The following RGS6 variants were observed in gnomAD, a reference collection of about 807,000 sequenced individuals.
RGS6 encodes the protein regulator of G protein signaling 6.
Under a neutral mutation model 78.5 loss-of-function variants are expected in RGS6, and 30 were observed. The ratio of observed to expected loss-of-function variants is 0.38; its 90% CI spans 0.29 to 0.52. The LOEUF is 0.52. Ranked by LOEUF, RGS6 falls within the 20% of genes least tolerant of loss-of-function variation. The pLI is 0.85. For missense variants in RGS6, 495 were observed against 609.7 expected, an observed-to-expected ratio of 0.81 and a Z score of 1.98; for synonymous variants, 206 against 206.0, an observed-to-expected ratio of 1.00 and a Z score of 0.00.
chr14:72,242,913 A>G (rs1370818380), intron 2 of RGS6, among the ~76,000 whole-genome samples: 3 of 126,866 alleles, frequency 2.4e-5, no homozygotes, highest in Admixed American at 1.1e-4. Context: ...CAGTGGTGCA[A>G]TCTCGGCTCA....
At chr14:72,438,358 C>T (rs79562181) in intron 3 of RGS6, among the ~76,000 whole-genome samples, 4,043 of 152,190 alleles carry the variant, frequency 0.027, 158 homozygotes, top group Admixed American at 0.091. Context: ...CATTCCTACA[C>T]ACCAGTGACT....
rs201497548 is a variant in RGS6 at position 72,396,693 on chromosome 14, C to G, written c.184+44499C>G. 8.1e-3 allele frequency among the ~76,000 whole-genome samples: 1,229 copies of G among 152,292 alleles called. 40 individuals carry two copies. Among genetic ancestry groups the G allele is most frequent in the East Asian group, 0.05 (261 of 5,186 alleles). On this transcript the variant is annotated intron_variant, in intron 3 of 17. Coordinates refer to ENST00000553525, the MANE Select transcript of RGS6 (RefSeq NM_001204424.2). The stretch of plus-strand genomic sequence containing the variant: ...ATGGTTTTAGGTCTAACATGTAAGT[C>G]TTTAATCCATCTTGAATTAATTTTT...
chr14:72,560,272 A>C (rs1337400827), intron 17 of RGS6, among the ~76,000 whole-genome samples: 1 of 152,198 alleles, frequency 6.6e-6, no homozygotes, highest in Non-Finnish European at 1.5e-5. Flanking sequence ...TATCACAGCA[A>C]TAAGTGGCAC....
At chr14:72,259,751 C>CA (rs566208646) in intron 2 of RGS6, among the ~76,000 whole-genome samples, 77 of 145,958 alleles carry the variant, frequency 5.3e-4, no homozygotes, top group East Asian at 1.6e-3. Flanking sequence ...ACTAAAAATA[C>CA]AAAAAAAAAA....
chr14:72,536,366 GT>G, intron 16 of RGS6, 91 bp downstream of exon 16: 1 of 935,224 alleles, frequency 1.1e-6, no homozygotes, highest in Non-Finnish European at 1.8e-6. Flanking sequence ...CATCCCTTGG[GT>G]TTTATTTATT....
intron 3 of RGS6, among the ~76,000 whole-genome samples, chr14:72,453,895 G>C (rs999246779): frequency 6.6e-6 from 1 of 152,150 alleles, no homozygotes; most frequent in African/African-American, 2.4e-5. Context: ...GAGCTAAGGA[G>C]AGCCATGTAG....
intron 3 of RGS6, among the ~76,000 whole-genome samples, chr14:72,365,029 A>G (rs2082199620): frequency 6.6e-6 from 1 of 152,234 alleles, no homozygotes. Flanking sequence ...AATTTTGCCA[A>G]CATATCCAGA....
intron 2 of RGS6, among the ~76,000 whole-genome samples, chr14:72,324,512 C>G (rs1030243962): frequency 1.3e-5 from 2 of 152,178 alleles, no homozygotes; most frequent in African/African-American, 4.8e-5. Context: ...CCCCATCCCC[C>G]TACCCCACAA....
intron 3 of RGS6, among the ~76,000 whole-genome samples, chr14:72,406,020 G>C (rs1196571579): frequency 6.6e-6 from 1 of 152,196 alleles, no homozygotes; most frequent in Non-Finnish European, 1.5e-5. Flanking sequence ...ACAATAAATG[G>C]GAGAGGGTGA....
At chr14:72,603,919 A>T in the RGS6 span, among the ~76,000 whole-genome samples, 1 of 152,202 alleles carries the variant, frequency 6.6e-6, no homozygotes, top group South Asian at 2.1e-4. Flanking sequence ...ATGTAAGAAA[A>T]CACATAAAAA....
intron 3 of RGS6, among the ~76,000 whole-genome samples, chr14:72,363,776 T>C (rs1006286680): frequency 5.9e-5 from 9 of 152,110 alleles, no homozygotes; most frequent in African/African-American, 2.2e-4. Flanking sequence ...TGATCTACCA[T>C]GGGAAATAAA....
At chr14:72,110,182 A>G (rs1263207342) in intron 2 of RGS6, among the ~76,000 whole-genome samples, 1 of 152,170 alleles carries the variant, frequency 6.6e-6, no homozygotes, top group African/African-American at 2.4e-5. Flanking sequence ...GCTGCTTTGT[A>G]TACATATTCT....
chr14:72,205,335 C>A (rs1354718811), intron 2 of RGS6, among the ~76,000 whole-genome samples: 8 of 152,222 alleles, frequency 5.3e-5, no homozygotes, highest in African/African-American at 1.9e-4. Context: ...TCCTGGTGAG[C>A]TGTCCTGTGC....
At chr14:72,485,273 C>G (rs1225957754) in intron 12 of RGS6, among the ~76,000 whole-genome samples, 1 of 152,192 alleles carries the variant, frequency 6.6e-6, no homozygotes, top group Non-Finnish European at 1.5e-5. Flanking sequence ...CACTCACACC[C>G]AGCGGTTGGA....
intron 7 of RGS6, among the ~76,000 whole-genome samples, chr14:72,466,183 A>G (rs1391774452): frequency 6.6e-6 from 1 of 152,222 alleles, no homozygotes; most frequent in African/African-American, 2.4e-5. Context: ...CCGTGGTGAG[A>G]TACTGTTACA....
intron 2 of RGS6, among the ~76,000 whole-genome samples, chr14:72,187,967 A>G (rs546904651): frequency 5.1e-4 from 77 of 152,154 alleles, no homozygotes; most frequent in African/African-American, 1.8e-3. Flanking sequence ...TTCAGCCCTC[A>G]TACTGTAAAC....
intron 2 of RGS6, among the ~76,000 whole-genome samples, chr14:72,277,864 G>A (rs776612846): frequency 4.6e-5 from 7 of 152,138 alleles, no homozygotes; most frequent in Non-Finnish European, 7.3e-5. Flanking sequence ...GAAAGTGGAA[G>A]TTGCAGTGAG....
chr14:72,278,910 T>C (rs2061134471), intron 2 of RGS6, among the ~76,000 whole-genome samples: 1 of 152,186 alleles, frequency 6.6e-6, no homozygotes. Context: ...ACTTCCTGGC[T>C]GTGGGCAGTG....
At chr14:72,117,782 C>T (rs892246630) in intron 2 of RGS6, among the ~76,000 whole-genome samples, 16 of 152,148 alleles carry the variant, frequency 1.1e-4, no homozygotes, top group African/African-American at 3.1e-4. Context: ...AAAAGGACCA[C>T]GCTGGCTACT....
Sources: allele counts gnomAD v4.1 joint callset (sites outside exome capture counted in the v4.1 genomes callset), GRCh38; gene constraint gnomAD v4.1.1; transcripts MANE v1.5; gene names NCBI Gene and HGNC (gene_info 2026-07-23, HGNC 2026-07-21).